ERFL: variants seen among roughly 807,000 people sequenced by gnomAD.
The protein encoded by ERFL is ETS domain-containing transcription factor ERF-like.
In ERFL, 8 loss-of-function variants were observed where a neutral mutation model predicts 27.9. The observed-to-expected ratio is 0.29, with a 90% CI of 0.17 to 0.52. The LOEUF (loss-of-function observed/expected upper bound fraction) is 0.52. Among genes scored for constraint, ERFL ranks in the 20% least tolerant of loss-of-function variants. ERFL has a pLI of 0.97. For missense variants in ERFL, 294 were observed against 444.4 expected (o/e 0.66, Z 3.04); for synonymous variants, 174 against 202.8 (o/e 0.86, Z 1.21).
intron 1 of ERFL, among the ~76,000 whole-genome samples, chr19:41,915,235 A>AGCC (rs2074793466): frequency 6.8e-6 from 1 of 146,322 alleles, no homozygotes; most frequent in Non-Finnish European, 1.5e-5. Flanking sequence ...TATAACGAGG[A>AGCC]GCCGTGGGAT....
At chr19:41,911,662 G>C (rs1213898286) in intron 2 of ERFL, among the ~76,000 whole-genome samples, 1 of 152,168 alleles carries the variant, frequency 6.6e-6, no homozygotes. Context: ...GACAGGGCTG[G>C]ATCCAGACTC....
chr19:41,910,192 C>A lies in ERFL; in HGVS notation c.68-95G>T. 8.3e-7 allele frequency: 1 copy of A among 1,205,160 alleles called. No homozygotes were observed. Among genetic ancestry groups the A allele is most frequent in the South Asian group, 1.5e-5 (1 of 64,896 alleles). The allele number at this position is 1,205,160 out of a possible 1,614,324, so 74.7% of individuals were successfully genotyped here. On this transcript the variant is annotated intron_variant, in intron 2 of 5. Transcript: ENST00000597630. This position sits in a 1 kb window ranked among gnomAD's most constrained non-coding sequence, Gnocchi z 4.4. Reference sequence around the variant, plus strand: ...TCAGTAACCTGGGAGGCATGTAGTTCTCCTCCAGTCTCAGGCATCTTTAGG... The same window carrying A: ...TCAGTAACCTGGGAGGCATGTAGTTATCCTCCAGTCTCAGGCATCTTTAGG...
chr19:41,915,638 C>T (rs2074796222), intron 1 of ERFL, among the ~76,000 whole-genome samples: 1 of 152,092 alleles, frequency 6.6e-6, no homozygotes, highest in African/African-American at 2.4e-5. Context: ...TCATCTGTCT[C>T]TGTCTCCATG....
chr19:41,915,463 C>T (rs2074795249), intron 1 of ERFL, among the ~76,000 whole-genome samples: 1 of 151,892 alleles, frequency 6.6e-6, no homozygotes, highest in African/African-American at 2.4e-5. Flanking sequence ...GTTCCCACGT[C>T]GTCTCCACTT....
chr19:41,923,386 T>C (rs2074852838), intron 1 of ERFL, among the ~76,000 whole-genome samples: 1 of 151,486 alleles, frequency 6.6e-6, no homozygotes, highest in Non-Finnish European at 1.5e-5. Context: ...GTAAAGACCC[T>C]GTATGGAGAA....
At chr19:41,924,684 T>A (rs1555853073) in intron 1 of ERFL, among the ~76,000 whole-genome samples, 1 of 152,090 alleles carries the variant, frequency 6.6e-6, no homozygotes, top group East Asian at 1.9e-4. Context: ...GGACTTAAGA[T>A]GCTGTGCAGT....
chr19:41,922,773 C>G (rs565930829), intron 1 of ERFL, among the ~76,000 whole-genome samples: 9 of 152,296 alleles, frequency 5.9e-5, no homozygotes, highest in Admixed American at 5.2e-4. Context: ...AGGCGCGGTG[C>G]TAATTCAGCG....
Position 41,908,375 on chromosome 19 carries a change from A to T in ERFL, c.918T>A (p.Gly306=). The T allele has an allele frequency of 8.1e-7, 1 of 1,230,826 alleles. No individual in the cohort carries two copies. The highest frequency in any genetic ancestry group is 1.0e-6 in the Non-Finnish European group (1 of 987,556). 76.2% of individuals were successfully genotyped at this position (1,230,826 alleles called of 1,614,324 possible). A position where few individuals can be genotyped will look rare whatever the true frequency, so the allele number is the denominator to read the frequency against. ...APRLALPGAG[G]PEAALGGKED... ...CCTTCCCACCAAGGGCAGCCTCTGGACCCCCAGCCCCTGGCAGCGCCAGGC... is the reference window on the plus strand; with the variant it reads ...CCTTCCCACCAAGGGCAGCCTCTGGTCCCCCAGCCCCTGGCAGCGCCAGGC... Residue 306 remains glycine, a synonymous_variant, in exon 6 of 6, where the codon GGT becomes GGA. Coordinates refer to ENST00000597630, the MANE Select transcript of ERFL (RefSeq NM_001365103.2). The surrounding 1 kb of genome is among the most constrained non-coding windows in gnomAD (Gnocchi z 6.7).
chr19:41,913,010 C>A, intron 1 of ERFL, 78 bp from the exon 2 acceptor site: 2 of 592,868 alleles, frequency 3.4e-6, no homozygotes, highest in South Asian at 8.5e-5. Context: ...GGGCGCTGCC[C>A]GGGGCCTTCC....
In ERFL at chr19:41,908,434, G is replaced by C. The variant is rs1401842669; in HGVS notation, c.859C>G (p.Pro287Ala). The C allele has an allele frequency of 6.5e-6, 8 of 1,231,104 alleles. No homozygotes were observed. The highest frequency in any genetic ancestry group is 1.6e-5 in the African/African-American group (1 of 64,362). The allele number at this position is 1,231,104 out of a possible 1,614,324, so 76.3% of individuals were successfully genotyped here. ...LLASTGEGLG[P>A]ERPSGLAAAP... ...GCTGCCAGGCCCGAGGGGCGCTCGG[G>C]GCCCAGGCCCTCCCCTGTCGAGGCC... The change falls in exon 6 of 6, where the codon CCC (proline) becomes GCC (alanine). Residue 287 changes from proline (P) to alanine (A), a missense_variant. This residue lies in a region of ERFL where 246 missense variants were observed against 371.4 expected (regional missense o/e 0.66). Transcript: ENST00000597630. The surrounding 1 kb of genome is among the most constrained non-coding windows in gnomAD (Gnocchi z 6.7).
At chr19:41,914,497 G>A (rs1470866203) in intron 1 of ERFL, among the ~76,000 whole-genome samples, 7 of 149,794 alleles carry the variant, frequency 4.7e-5, no homozygotes, top group African/African-American at 1.8e-4. Flanking sequence ...TTCCCAGTGT[G>A]TCCATCTCTG....
At chr19:41,912,120 G>A (rs76175405) in intron 2 of ERFL, among the ~76,000 whole-genome samples, 4,085 of 152,160 alleles carry the variant, frequency 0.027, 187 homozygotes, top group African/African-American at 0.093. Context: ...CCCAAAATGC[G>A]GACACGCCCA....
In ERFL at chr19:41,916,380, CATGT is replaced by C. The variant is rs2145896074; in HGVS notation, c.-13-3452_-13-3449del. Among the ~76,000 whole-genome samples the C allele has an allele frequency of 6.6e-6, 1 of 152,198 alleles. No homozygotes were observed. Among genetic ancestry groups the C allele is most frequent in the East Asian group, 1.9e-4 (1 of 5,178 alleles). Reference sequence around the variant, plus strand: ...ACACACAACCCACATCACACAGATGCATGTGTCAGTAAAGTCACACACCAACACT... The same window carrying C: ...ACACACAACCCACATCACACAGATGCGTCAGTAAAGTCACACACCAACACT... On this transcript the variant is annotated intron_variant, in intron 1 of 5. Transcript: ENST00000597630. This position sits in a 1 kb window ranked among gnomAD's most constrained non-coding sequence, Gnocchi z 5.4.
chr19:41,915,749 C>G (rs1555851903), intron 1 of ERFL, among the ~76,000 whole-genome samples: 1 of 152,188 alleles, frequency 6.6e-6, no homozygotes, highest in East Asian at 1.9e-4. Flanking sequence ...CTTGGGGTCC[C>G]TTTGATCTCA....
In ERFL at chr19:41,917,927, T is replaced by C. The variant is rs1555852087; in HGVS notation, c.-13-4995A>G. 6.6e-6 allele frequency among the ~76,000 whole-genome samples: 1 copy of C among 151,752 alleles called. No homozygotes were observed. ...GCCAGCTCCCCGCGGTCACACACTGTGTGTGTGTGTGCTCACACACCTGTC... is the reference window on the plus strand; with the variant it reads ...GCCAGCTCCCCGCGGTCACACACTGCGTGTGTGTGTGCTCACACACCTGTC... On this transcript the variant is annotated intron_variant, in intron 1 of 5. Transcript: ENST00000597630. This position sits in a 1 kb window ranked among gnomAD's most constrained non-coding sequence, Gnocchi z 4.8.
At chr19:41,924,863 G>A (rs2074862451) in intron 1 of ERFL, among the ~76,000 whole-genome samples, 1 of 152,190 alleles carries the variant, frequency 6.6e-6, no homozygotes, top group South Asian at 2.1e-4. Context: ...GGAGACAGGT[G>A]TGAGAGATCT....
Position 41,908,948 on chromosome 19 carries a change from T to C in ERFL, c.616+112A>G. On this transcript the variant is annotated intron_variant, in intron 5 of 5. Transcript: ENST00000597630. This position sits in a 1 kb window ranked among gnomAD's most constrained non-coding sequence, Gnocchi z 6.7. ...TTTTACACACACACACCCTACAACC[T>C]GGCCCTGGGCCCCCTTCCCCATCTC... 1.6e-6 allele frequency: 1 copy of C among 631,402 alleles called. No individual in the cohort carries two copies. Among genetic ancestry groups the C allele is most frequent in the Non-Finnish European group, 2.3e-6 (1 of 440,208 alleles). The allele number at this position is 631,402 out of a possible 1,614,324, so 39.1% of individuals were successfully genotyped here.
chr19:41,909,844 G>A lies in ERFL; in HGVS notation c.302+19C>T. ...GGGGAAAAGGACAAGGTGGGATCCA[G>A]CCCCAAGCCCTTCCTCACCGCAGGG... On this transcript the variant is annotated intron_variant, in intron 3 of 5. Coordinates refer to ENST00000597630, the MANE Select transcript of ERFL (RefSeq NM_001365103.2). This position sits in a 1 kb window ranked among gnomAD's most constrained non-coding sequence, Gnocchi z 5.2. The A allele has an allele frequency of 6.3e-7, 1 of 1,590,436 alleles. No homozygotes were observed. Among genetic ancestry groups the A allele is most frequent in the Non-Finnish European group, 8.6e-7 (1 of 1,167,584 alleles).
chr19:41,919,913 A>G (rs1256534214), intron 1 of ERFL, among the ~76,000 whole-genome samples: 1 of 151,976 alleles, frequency 6.6e-6, no homozygotes, highest in African/African-American at 2.4e-5. Context: ...CACACGTCAC[A>G]CAGACATGAC....
Sources: allele counts gnomAD v4.1 joint callset (sites outside exome capture counted in the v4.1 genomes callset), GRCh38; gene constraint gnomAD v4.1.1; regional missense constraint gnomAD v4.1.1; non-coding constraint Gnocchi (gnomAD v3.1); transcripts MANE v1.5; gene names NCBI Gene and HGNC (gene_info 2026-07-23, HGNC 2026-07-21).